The following TENM1 variants were observed in gnomAD, a reference collection of about 807,000 sequenced individuals.
The protein encoded by TENM1 is teneurin transmembrane protein 1.
Under a neutral mutation model 174.8 loss-of-function variants are expected in TENM1, and 35 were observed. The observed-to-expected ratio is 0.20, with a 90% CI of 0.15 to 0.27. The LOEUF is 0.27. Among genes scored for constraint, TENM1 ranks in the 10% least tolerant of loss-of-function variants. The pLI is 1.00. For synonymous variants in TENM1, 781 were observed against 798.7 expected (o/e 0.98, Z 0.37); for missense variants, 1,633 against 2,130.1 (o/e 0.77, Z 4.59).
At chrX:125,190,113 A>G in the TENM1 span, among the ~76,000 whole-genome samples, 1 of 111,580 alleles carries the variant, frequency 9.0e-6, no homozygotes, top group Non-Finnish European at 1.9e-5. Context: ...CAGTTTTCCC[A>G]TTACAATGAT....
At chrX:125,114,795 G>A in the TENM1 span, among the ~76,000 whole-genome samples, 1 of 111,045 alleles carries the variant, frequency 9.0e-6, no homozygotes, top group Non-Finnish European at 1.9e-5. Flanking sequence ...ATTCACAGCC[G>A]AATTCTACCA....
At chrX:125,145,934 C>G in the TENM1 span, among the ~76,000 whole-genome samples, 1 of 111,947 alleles carries the variant, frequency 8.9e-6, no homozygotes, top group South Asian at 3.7e-4. Context: ...ACCCAGAGAC[C>G]TTTTAATTGA....
chrX:125,013,394 T>C, the TENM1 span, among the ~76,000 whole-genome samples: 3 of 111,907 alleles, frequency 2.7e-5, no homozygotes, highest in Admixed American at 2.9e-4. Flanking sequence ...ATCTGATAAA[T>C]ATCTTAGTAT....
At chrX:124,645,425 G>T in intron 9 of TENM1, 88 bp from the exon 13 acceptor site, 1 of 877,902 alleles carries the variant, frequency 1.1e-6, no homozygotes, top group Non-Finnish European at 1.6e-6. Context: ...CGTATTTCAG[G>T]CAAAAAATTG....
chrX:125,192,583 T>A, the TENM1 span, among the ~76,000 whole-genome samples: 2 of 111,690 alleles, frequency 1.8e-5, no homozygotes, highest in African/African-American at 6.5e-5. Context: ...AGAGTGTTAG[T>A]AATGAATGAG....
the TENM1 span, among the ~76,000 whole-genome samples, chrX:125,152,252 TAA>T: frequency 1.9e-3 from 188 of 97,834 alleles, no homozygotes; most frequent in African/African-American, 6.4e-3. Flanking sequence ...TTTGTATTTT[TAA>T]AAAAAAAAAA....
chrX:125,167,082 A>C, the TENM1 span, among the ~76,000 whole-genome samples: 2 of 111,791 alleles, frequency 1.8e-5, no homozygotes, highest in African/African-American at 6.5e-5. Flanking sequence ...CTGGAGGAAA[A>C]CTGGATGAAC....
exon 32 of TENM1, chrX:124,379,814 T>C (rs920996115): frequency 2.7e-5 from 3 of 111,554 alleles, no homozygotes; most frequent in Non-Finnish European, 5.7e-5. Flanking sequence ...TCAAAACAGG[T>C]CGTGTGAGAG....
At chrX:124,985,691 C>T in the TENM1 span, among the ~76,000 whole-genome samples, 1 of 111,475 alleles carries the variant, frequency 9.0e-6, no homozygotes. Context: ...AAACACTAAT[C>T]AGCTGCATTT....
chrX:125,183,534 C>G, the TENM1 span, among the ~76,000 whole-genome samples: 2 of 111,827 alleles, frequency 1.8e-5, no homozygotes, highest in Non-Finnish European at 1.9e-5. Context: ...TTTCAAGGTA[C>G]AGAGAGATGC....
chrX:125,068,736 G>C, the TENM1 span, among the ~76,000 whole-genome samples: 1 of 111,804 alleles, frequency 8.9e-6, no homozygotes, highest in African/African-American at 3.3e-5. Flanking sequence ...TTTGACAAAA[G>C]AGAACAGATT....
At chrX:124,972,400 TAAAC>T in the TENM1 span, among the ~76,000 whole-genome samples, 1 of 112,105 alleles carries the variant, frequency 8.9e-6, no homozygotes. Context: ...CAACTGGACA[TAAAC>T]AAGTTGCTTT....
chrX:124,790,423 G>A (rs970275173), intron 3 of TENM1, among the ~76,000 whole-genome samples: 11 of 111,845 alleles, frequency 9.8e-5, no homozygotes, highest in Middle Eastern at 4.2e-3. Flanking sequence ...TTTGTATGGC[G>A]CTTTATACTT....
the TENM1 span, among the ~76,000 whole-genome samples, chrX:125,067,423 GA>G: frequency 7.0e-4 from 72 of 103,039 alleles, 1 homozygote; most frequent in East Asian, 1.8e-3. Context: ...AACCTCTAGG[GA>G]AAAAAAAAAA....
chrX:124,475,846 A>T (rs1334340264), intron 22 of TENM1, among the ~76,000 whole-genome samples: 9 of 111,748 alleles, frequency 8.1e-5, no homozygotes, highest in Non-Finnish European at 1.5e-4. Context: ...CAAGGTGGGC[A>T]TCTCTCCTGC....
At chrX:124,554,333 T>C (rs749904867) in intron 14 of TENM1, among the ~76,000 whole-genome samples, 13 of 111,709 alleles carry the variant, frequency 1.2e-4, no homozygotes, top group African/African-American at 4.2e-4. Flanking sequence ...CACTGCAAAG[T>C]AGACAGATAT....
rs191775210 is a variant in TENM1 at position 124,769,706 on chromosome X, T to C, written c.536-32509A>G. On this transcript the variant is annotated intron_variant, in intron 3 of 31. Coordinates refer to ENST00000422452, the Ensembl canonical transcript of TENM1. The stretch of plus-strand genomic sequence containing the variant: ...GCGTAAAGTTAAAAGACAGAAATTC[T>C]TTTTGGAAAAGCAGCAAAATTGCTT... 1.9e-4 allele frequency among the ~76,000 whole-genome samples: 21 copies of C among 112,427 alleles called. No individual in the cohort carries two copies. The East Asian group carries it at 5.6e-3, about 30-fold the overall frequency.
intron 3 of TENM1, among the ~76,000 whole-genome samples, chrX:124,812,462 C>T (rs779319127): frequency 2.7e-5 from 3 of 111,374 alleles, no homozygotes; most frequent in Middle Eastern, 4.7e-3. Context: ...GCAACTCTAA[C>T]GTCTATCTAG....
At chrX:124,972,346 T>C in the TENM1 span, among the ~76,000 whole-genome samples, 1 of 112,254 alleles carries the variant, frequency 8.9e-6, no homozygotes, top group Non-Finnish European at 1.9e-5. Flanking sequence ...TCATTTTTGT[T>C]CTTTTTGTTG....
Sources: allele counts gnomAD v4.1 joint callset (sites outside exome capture counted in the v4.1 genomes callset), GRCh38; gene constraint gnomAD v4.1.1; transcripts MANE v1.5; gene names NCBI Gene and HGNC (gene_info 2026-07-23, HGNC 2026-07-21).